The following CWH43 variants were observed in gnomAD, a reference collection of about 807,000 sequenced individuals.
The protein encoded by CWH43 is PGAP2-interacting protein.
CWH43 carries 91 observed loss-of-function variants against 85.7 expected under a neutral mutation model. The observed-to-expected ratio is 1.06, with a 90% CI of 0.90 to 1.26. The LOEUF (loss-of-function observed/expected upper bound fraction) is 1.26. Among genes scored for constraint, CWH43 ranks in the 50% most tolerant of loss-of-function variants. The pLI is 0.00. For missense variants in CWH43, 869 were observed against 839.2 expected, an observed-to-expected ratio of 1.04 and a Z score of -0.44; for synonymous variants, 323 against 293.6, an observed-to-expected ratio of 1.10 and a Z score of -1.02.
At chr4:49,032,094 C>A (rs1336190434) in intron 11 of CWH43, among the ~76,000 whole-genome samples, 1 of 152,192 alleles carries the variant, frequency 6.6e-6, no homozygotes, top group East Asian at 1.9e-4. Flanking sequence ...GGAAGAGAAG[C>A]CTGCCAAGGA....
intron 13 of CWH43, among the ~76,000 whole-genome samples, chr4:49,043,911 A>G (rs1428535011): frequency 6.6e-6 from 1 of 152,066 alleles, no homozygotes; most frequent in African/African-American, 2.4e-5. Flanking sequence ...AAACAACAAT[A>G]AAGATTAATA....
In CWH43 at chr4:49,044,858, G is replaced by C; in HGVS notation, c.1865+11G>C. ...TCGAGGGCTGATCAGGTGAGCACAG[G>C]GGTTTGATTTTGTTTTTAATCTATT... On this transcript the variant is annotated intron_variant, in intron 14 of 15. Coordinates refer to ENST00000226432, the MANE Select transcript of CWH43 (RefSeq NM_025087.3). The C allele has an allele frequency of 6.2e-7, 1 of 1,609,236 alleles. No homozygotes were observed. Among genetic ancestry groups the C allele is most frequent in the Non-Finnish European group, 8.5e-7 (1 of 1,176,512 alleles).
chr4:49,044,025 G>A (rs1784547876), intron 13 of CWH43, among the ~76,000 whole-genome samples: 1 of 152,028 alleles, frequency 6.6e-6, no homozygotes, highest in African/African-American at 2.4e-5. Context: ...TTAATTAAAT[G>A]TTAATAGTAA....
chr4:49,020,775 T>C (rs762337634), intron 9 of CWH43, among the ~76,000 whole-genome samples: 4 of 152,160 alleles, frequency 2.6e-5, no homozygotes, highest in South Asian at 2.1e-4. Flanking sequence ...TAGTATCACA[T>C]TGTGGTTTTG....
chr4:49,043,934 T>A (rs1450757751), intron 13 of CWH43, among the ~76,000 whole-genome samples: 1 of 152,084 alleles, frequency 6.6e-6, no homozygotes, highest in African/African-American at 2.4e-5. Flanking sequence ...CATCCATGTG[T>A]CTACCACTAA....
Position 49,007,253 on chromosome 4 carries a change from C to A in CWH43, c.1113C>A (p.Asn371Lys), listed in dbSNP as rs1783188779. The A allele has an allele frequency of 6.2e-7, 1 of 1,611,668 alleles. No homozygotes were observed. Residue 371 changes from asparagine to lysine, a missense_variant, in exon 8 of 16, where the codon AAC (asparagine) becomes AAA (lysine). Transcript: ENST00000226432. Reference sequence around the variant, plus strand: ...ATATGCTATTTGGTCCTAAGAAAAACCTTGACTTGCTTCTTCAAACAAAAA... The same window carrying A: ...ATATGCTATTTGGTCCTAAGAAAAAACTTGACTTGCTTCTTCAAACAAAAA... ...GLNMLFGPKK[N>K]LDLLLQTKNS...
intron 9 of CWH43, among the ~76,000 whole-genome samples, chr4:49,020,250 T>G (rs1783698560): frequency 6.6e-6 from 1 of 152,072 alleles, no homozygotes; most frequent in African/African-American, 2.4e-5. Flanking sequence ...TAGCTCCCAC[T>G]TACGTGCAAG....
intron 13 of CWH43, among the ~76,000 whole-genome samples, chr4:49,042,804 G>A (rs1784505530): frequency 6.6e-6 from 1 of 152,202 alleles, no homozygotes; most frequent in African/African-American, 2.4e-5. Context: ...AACCTGGAAA[G>A]TGTGTAATCA....
At chr4:49,050,548 A>G (rs2080348647) in intron 14 of CWH43, 146 bp from the exon 15 acceptor site, 2 of 520,002 alleles carry the variant, frequency 3.8e-6, no homozygotes, top group Non-Finnish European at 3.3e-6. Flanking sequence ...TATTTAGATT[A>G]ACAATTTAAG....
Position 49,039,322 on chromosome 4 carries a change from T to TG in CWH43, c.1803+1142_1803+1143insG, listed in dbSNP as rs1784369712. On this transcript the variant is annotated intron_variant, in intron 13 of 15. Coordinates refer to ENST00000226432, the MANE Select transcript of CWH43 (RefSeq NM_025087.3). Reference sequence around the variant, plus strand: ...CAGGAGACTGATATATATATATATATATATATATATACTGATGTATATATA... The same window carrying TG: ...CAGGAGACTGATATATATATATATATGATATATATATACTGATGTATATATA... Among the ~76,000 whole-genome samples the TG allele has an allele frequency of 2.7e-5, 2 of 73,300 alleles. 1 individual carries two copies. The highest frequency in any genetic ancestry group is 5.5e-5 in the Non-Finnish European group (2 of 36,546). 48.1% of individuals were successfully genotyped at this position (73,300 alleles called of 152,430 possible).
At chr4:49,003,650 T>G in intron 6 of CWH43, 85 bp from the exon 7 acceptor site, 1 of 1,336,222 alleles carries the variant, frequency 7.5e-7, no homozygotes, top group South Asian at 1.3e-5. Flanking sequence ...ACCCCTAAGG[T>G]CTGTTCTGGT....
rs535473712 is a variant in CWH43 at position 48,988,829 on chromosome 4, A to G, written c.235+161A>G. Among the ~76,000 whole-genome samples the G allele has an allele frequency of 2.6e-5, 4 of 152,380 alleles. No individual in the cohort carries two copies. In the South Asian group the frequency reaches 8.3e-4, roughly 32 times the overall value. On this transcript the variant is annotated intron_variant, in intron 2 of 15. Transcript: ENST00000226432. ...GAAGAGCTTTAGTAATTGGAAGACT[A>G]GACTGAGAGTCAATGTGTTTTACAT...
At chr4:49,014,455 A>T (rs1353685125) in intron 8 of CWH43, among the ~76,000 whole-genome samples, 3 of 127,010 alleles carry the variant, frequency 2.4e-5, no homozygotes, top group Non-Finnish European at 3.2e-5. Flanking sequence ...TGAGACTCTG[A>T]CTCAAAAAAA....
At chr4:49,017,391 C>A in intron 9 of CWH43, 63 bp downstream of exon 9, 11 of 1,201,258 alleles carry the variant, frequency 9.2e-6, no homozygotes, top group African/African-American at 1.5e-5. Flanking sequence ...TATATTTGTA[C>A]AATTTACCAT....
intron 13 of CWH43, among the ~76,000 whole-genome samples, chr4:49,038,890 C>T (rs1427542893): frequency 3.3e-5 from 5 of 151,406 alleles, no homozygotes; most frequent in Admixed American, 3.3e-4. Context: ...AACCCCGTCT[C>T]TACTAAAAAT....
At chr4:48,988,045 G>A (rs1019448275) in intron 1 of CWH43, among the ~76,000 whole-genome samples, 1 of 152,180 alleles carries the variant, frequency 6.6e-6, no homozygotes, top group African/African-American at 2.4e-5. Context: ...ACAGCCATAT[G>A]GGCAAGGGAA....
intron 8 of CWH43, among the ~76,000 whole-genome samples, chr4:49,009,298 A>G (rs925700418): frequency 2.0e-5 from 3 of 152,114 alleles, no homozygotes; most frequent in Admixed American, 6.6e-5. Flanking sequence ...GTGTATAGGA[A>G]TGGTTGGGAT....
chr4:49,015,251 C>T (rs1419547153), intron 8 of CWH43, among the ~76,000 whole-genome samples: 29 of 150,330 alleles, frequency 1.9e-4, no homozygotes, highest in African/African-American at 6.4e-4. Flanking sequence ...ATATTTTTTT[C>T]ATTGATTAGG....
chr4:49,019,246 T>A (rs1783661042), intron 9 of CWH43, among the ~76,000 whole-genome samples: 1 of 152,106 alleles, frequency 6.6e-6, no homozygotes, highest in Admixed American at 6.6e-5. Flanking sequence ...GAAACAGGAT[T>A]GTAGAATGGA....
Sources: allele counts gnomAD v4.1 joint callset (sites outside exome capture counted in the v4.1 genomes callset), GRCh38; gene constraint gnomAD v4.1.1; transcripts MANE v1.5; gene names NCBI Gene and HGNC (gene_info 2026-07-23, HGNC 2026-07-21).